Variants in HPSE2 observed in about 807,000 individuals in gnomAD.
The protein encoded by HPSE2 is inactive heparanase-2.
Under a neutral mutation model 60.5 loss-of-function variants are expected in HPSE2, and 38 were observed. That is an observed-to-expected ratio of 0.63 (90% CI 0.48 to 0.82). The LOEUF (loss-of-function observed/expected upper bound fraction) is 0.82, where lower values mean the gene tolerates loss of function less well. Among genes scored for constraint, HPSE2 ranks in the 40% least tolerant of loss-of-function variants. The pLI, the probability that HPSE2 is intolerant of heterozygous loss-of-function variation, is 0.00. For missense variants in HPSE2, 713 were observed against 740.4 expected (o/e 0.96, Z 0.43); for synonymous variants, 295 against 293.2 (o/e 1.01, Z -0.06).
intron 3 of HPSE2, among the ~76,000 whole-genome samples, chr10:98,763,588 C>G (rs1042187704): frequency 6.6e-6 from 1 of 152,016 alleles, no homozygotes; most frequent in Non-Finnish European, 1.5e-5. Context: ...TTAAAAGACT[C>G]TTTTCCTCAC....
rs151212298 is a variant in HPSE2 at position 99,062,448 on chromosome 10, A to T, written c.610+81790T>A. Among the ~76,000 whole-genome samples the T allele has an allele frequency of 7.9e-5, 12 of 152,324 alleles. No homozygotes were observed. The East Asian group carries it at 2.3e-3, about 29-fold the overall frequency. On this transcript the variant is annotated intron_variant, in intron 3 of 11. Transcript: ENST00000370552. ...CCAGTCATTCTTCTTATTCACAGAC[A>T]TTTGGTATCCAGTAGCCAAATCTTC...
intron 6 of HPSE2, among the ~76,000 whole-genome samples, chr10:98,659,895 T>C (rs1044465048): frequency 6.6e-6 from 1 of 152,200 alleles, no homozygotes; most frequent in Non-Finnish European, 1.5e-5. Flanking sequence ...AAGCTGATAA[T>C]AGATGCCAAG....
chr10:99,031,731 GTTA>G (rs1957503563), intron 3 of HPSE2, among the ~76,000 whole-genome samples: 1 of 152,144 alleles, frequency 6.6e-6, no homozygotes, highest in African/African-American at 2.4e-5. Context: ...TAATATTTGG[GTTA>G]TCTACAGTGT....
chr10:98,523,010 G>T (rs1942847945), intron 9 of HPSE2, among the ~76,000 whole-genome samples: 1 of 152,192 alleles, frequency 6.6e-6, no homozygotes. Context: ...CTGGGCTGCG[G>T]CTTAATTCTT....
chr10:98,725,568 C>T (rs573057422), intron 4 of HPSE2, among the ~76,000 whole-genome samples: 2 of 152,170 alleles, frequency 1.3e-5, no homozygotes, highest in Admixed American at 6.6e-5. Context: ...CCATTCAGGA[C>T]ATAGGCATGG....
intron 3 of HPSE2, among the ~76,000 whole-genome samples, chr10:98,825,840 G>T (rs1951534176): frequency 6.6e-6 from 1 of 152,118 alleles, no homozygotes; most frequent in Non-Finnish European, 1.5e-5. Flanking sequence ...TTTGTCATTG[G>T]ACATGGTCAT....
chr10:98,800,830 A>G (rs1413870474), intron 3 of HPSE2, among the ~76,000 whole-genome samples: 1 of 152,192 alleles, frequency 6.6e-6, no homozygotes, highest in Admixed American at 6.5e-5. Flanking sequence ...TACTCAAACT[A>G]TTCTGAAAAA....
At chr10:99,059,137 A>C (rs1175310532) in intron 3 of HPSE2, among the ~76,000 whole-genome samples, 2 of 152,218 alleles carry the variant, frequency 1.3e-5, no homozygotes, top group Non-Finnish European at 2.9e-5. Context: ...CAGTTTGCAG[A>C]CCATACTAAA....
chr10:99,297,911 C>T, the HPSE2 span, among the ~76,000 whole-genome samples: 8 of 152,124 alleles, frequency 5.3e-5, no homozygotes, highest in South Asian at 2.1e-4. Context: ...CTCCCCCAGG[C>T]GAATGTTGGT....
chr10:98,550,415 TC>T (rs1455819804), intron 9 of HPSE2, among the ~76,000 whole-genome samples: 1 of 152,024 alleles, frequency 6.6e-6, no homozygotes. Context: ...TGCTTCAGCC[TC>T]CCAAGTAGCT....
Position 99,097,437 on chromosome 10 carries a change from A to G in HPSE2, c.610+46801T>C, listed in dbSNP as rs551229830. On this transcript the variant is annotated intron_variant, in intron 3 of 11. Coordinates refer to ENST00000370552, the MANE Select transcript of HPSE2 (RefSeq NM_021828.5). ...TAATGTGTTTTAGGGTTTCTCTAATATTCTGGAAAATAACTGACCTGGCCC... is the reference window on the plus strand; with the variant it reads ...TAATGTGTTTTAGGGTTTCTCTAATGTTCTGGAAAATAACTGACCTGGCCC... 1.2e-4 allele frequency among the ~76,000 whole-genome samples: 18 copies of G among 152,300 alleles called. No individual in the cohort carries two copies. In the South Asian group the frequency reaches 3.7e-3, roughly 32 times the overall value.
chr10:98,795,702 A>G (rs1340916990), intron 3 of HPSE2, among the ~76,000 whole-genome samples: 1 of 152,212 alleles, frequency 6.6e-6, no homozygotes, highest in Non-Finnish European at 1.5e-5. Flanking sequence ...CAGGGTGGCT[A>G]AGGGAGTGCT....
chr10:99,243,017 A>G, the HPSE2 span, among the ~76,000 whole-genome samples: 2 of 152,192 alleles, frequency 1.3e-5, no homozygotes, highest in African/African-American at 2.4e-5. Flanking sequence ...TTATGCTCAT[A>G]GCATAAAAAA....
chr10:99,132,433 T>C (rs1845478685), intron 3 of HPSE2, among the ~76,000 whole-genome samples: 1 of 152,034 alleles, frequency 6.6e-6, no homozygotes, highest in African/African-American at 2.4e-5. Flanking sequence ...TAAAAGAGGC[T>C]GAATGGGGGA....
At chr10:98,955,935 A>G (rs1446433178) in intron 3 of HPSE2, among the ~76,000 whole-genome samples, 2 of 152,070 alleles carry the variant, frequency 1.3e-5, no homozygotes, top group Non-Finnish European at 2.9e-5. Flanking sequence ...GGAGGGGAAC[A>G]ACACACACCA....
the HPSE2 span, among the ~76,000 whole-genome samples, chr10:99,296,977 G>A: frequency 6.6e-6 from 1 of 152,188 alleles, no homozygotes; most frequent in African/African-American, 2.4e-5. Flanking sequence ...TTGACGAGAT[G>A]AGGAGCAGAG....
the HPSE2 span, among the ~76,000 whole-genome samples, chr10:99,242,530 G>A: frequency 6.6e-6 from 1 of 152,172 alleles, no homozygotes; most frequent in African/African-American, 2.4e-5. Context: ...GGGACTGCTA[G>A]AGATAGAAAA....
intron 3 of HPSE2, among the ~76,000 whole-genome samples, chr10:98,771,308 C>T (rs553750236): frequency 6.6e-6 from 1 of 152,246 alleles, no homozygotes; most frequent in Admixed American, 6.5e-5. Flanking sequence ...TGGAAAAACC[C>T]AGTACCCTGA....
At chr10:98,489,946 G>T in intron 10 of HPSE2, 105 bp downstream of exon 10, 1 of 1,416,220 alleles carries the variant, frequency 7.1e-7, no homozygotes, top group Non-Finnish European at 1.0e-6. Flanking sequence ...GAGGCAAAAA[G>T]TTTTTGATAA....
Sources: allele counts gnomAD v4.1 joint callset (sites outside exome capture counted in the v4.1 genomes callset), GRCh38; gene constraint gnomAD v4.1.1; transcripts MANE v1.5; gene names NCBI Gene and HGNC (gene_info 2026-07-23, HGNC 2026-07-21).